LIMCH1: variants seen among roughly 807,000 people sequenced by gnomAD.
The protein encoded by LIMCH1 is LIM and calponin homology domains 1.
In LIMCH1, 113 loss-of-function variants were observed where a neutral mutation model predicts 176.5. The observed-to-expected ratio is 0.64, with a 90% confidence interval of 0.55 to 0.75. The LOEUF is 0.75. Among genes scored for constraint, LIMCH1 ranks in the 30% least tolerant of loss-of-function variants. The probability of loss-of-function intolerance (pLI) is 0.00; values close to 1 mark genes in which losing one functional copy is unlikely to be tolerated. For synonymous variants in LIMCH1, 619 were observed against 645.9 expected, an observed-to-expected ratio of 0.96 and a Z score of 0.63; for missense variants, 1,674 against 1,814.9, an observed-to-expected ratio of 0.92 and a Z score of 1.41.
intron 1 of LIMCH1, chr4:41,551,117 C>T (rs1293604832): frequency 6.6e-6 from 1 of 152,088 alleles, no homozygotes; most frequent in Admixed American, 6.5e-5. Flanking sequence ...TTTCTTCCTC[C>T]ATGATAGGAA....
intron 1 of LIMCH1, among the ~76,000 whole-genome samples, chr4:41,598,424 A>T (rs1394037639): frequency 1.3e-5 from 2 of 152,098 alleles, no homozygotes; most frequent in Non-Finnish European, 1.5e-5. Flanking sequence ...ATCCACAAAG[A>T]GGTATTACTA....
chr4:41,407,382 C>A (rs1341698885), intron 1 of LIMCH1, among the ~76,000 whole-genome samples: 1 of 152,162 alleles, frequency 6.6e-6, no homozygotes, highest in East Asian at 1.9e-4. Flanking sequence ...GCATTTGCCA[C>A]CATGCCTGGT....
At position 41,482,353 on chromosome 4, in the gene LIMCH1, A is replaced by T. The variant is rs75665846; in HGVS notation, c.97-12183A>T. 9.3e-3 allele frequency among the ~76,000 whole-genome samples: 1,412 copies of T among 152,288 alleles called. 20 individuals are homozygous for T. Among genetic ancestry groups the T allele is most frequent in the African/African-American group, 0.032 (1,332 of 41,544 alleles). ...GGGTGGTACAGAGAGAAGAAAAGAG[A>T]TGCGAAGAGAGGAGAAAAACGCCTG... On this transcript the variant is annotated intron_variant, in intron 1 of 26. Transcript: ENST00000313860.
chr4:41,590,057 T>A (rs2087222916), intron 1 of LIMCH1, among the ~76,000 whole-genome samples: 2 of 152,170 alleles, frequency 1.3e-5, no homozygotes, highest in Admixed American at 6.5e-5. Context: ...CCCCTCTGGT[T>A]TAGCTCTCCC....
At chr4:41,594,626 G>A (rs937936198) in intron 1 of LIMCH1, among the ~76,000 whole-genome samples, 3 of 152,140 alleles carry the variant, frequency 2.0e-5, no homozygotes, top group Non-Finnish European at 2.9e-5. Flanking sequence ...TCTGCCTAGG[G>A]CCTGGCTCCC....
intron 30 of LIMCH1, among the ~76,000 whole-genome samples, chr4:41,691,516 G>A (rs1239723459): frequency 6.6e-6 from 1 of 151,502 alleles, no homozygotes; most frequent in South Asian, 2.1e-4. Flanking sequence ...GGAGGCCAAG[G>A]TGGGCAGATA....
rs1033330741 is a variant in LIMCH1, at chr4:41,698,278, A to T, written c.*1093A>T. 2.0e-5 allele frequency: 3 copies of T among 152,276 alleles called. No individual in the cohort carries two copies. Among genetic ancestry groups the T allele is most frequent in the Admixed American group, 6.5e-5 (1 of 15,284 alleles). The allele number at this position is 152,276 out of a possible 1,614,324, so 9.4% of individuals were successfully genotyped here. On this transcript the variant is annotated 3_prime_UTR_variant, in exon 32 of 32. Coordinates refer to ENST00000503057, the MANE Select transcript of LIMCH1 (RefSeq NM_001330672.2). ...TCTGTGATCAGCAAGAACCTACAGC[A>T]CAGATTATGCCCTGCCCACTTCAAT...
In LIMCH1 at chr4:41,626,729, G is replaced by C. The variant is rs1369738790; in HGVS notation, c.747G>C (p.Glu249Asp). The stretch of plus-strand genomic sequence containing the variant: ...TCAGTCAAAAACAATTAAGTGAAGA[G>C]AAAGAAGCTATTCGTGATATTGTCC... The part of the protein sequence containing the change: ...RFASQKQLSE[E>D]KEAIRDIVLR... Residue 249 changes from glutamate to aspartate, a missense_variant, in exon 8 of 32, where the codon GAG (glutamate) becomes GAC (aspartate). By Grantham distance (45) the Glu-to-Asp change is conservative. Around this residue, in one of 3 missense-constraint regions of LIMCH1, gnomAD observed 655 missense variants for 692.2 expected, o/e 0.95. Transcript: ENST00000503057. 2.0e-6 allele frequency: 3 copies of C among 1,536,118 alleles called. No homozygotes were observed. Among genetic ancestry groups the C allele is most frequent in the Non-Finnish European group, 2.6e-6 (3 of 1,146,802 alleles).
chr4:41,610,902 T>C (rs1424001026), intron 4 of LIMCH1, among the ~76,000 whole-genome samples: 1 of 152,174 alleles, frequency 6.6e-6, no homozygotes, highest in African/African-American at 2.4e-5. Flanking sequence ...AAGTTGAATA[T>C]CCCTAATCTG....
At chr4:41,596,853 A>G (rs144038834) in intron 1 of LIMCH1, among the ~76,000 whole-genome samples, 8 of 152,318 alleles carry the variant, frequency 5.3e-5, no homozygotes, top group East Asian at 3.9e-4. Flanking sequence ...CTTGTGAACA[A>G]TGGCATCTCT....
At chr4:41,493,879 C>T (rs1454553533) in intron 1 of LIMCH1, among the ~76,000 whole-genome samples, 2 of 152,122 alleles carry the variant, frequency 1.3e-5, no homozygotes, top group African/African-American at 2.4e-5. Context: ...TCTTTTATGC[C>T]ATATTATTAA....
At chr4:41,405,775 G>A (rs1277536507) in intron 1 of LIMCH1, among the ~76,000 whole-genome samples, 2 of 151,832 alleles carry the variant, frequency 1.3e-5, no homozygotes, top group African/African-American at 2.4e-5. Context: ...CATGTATTAT[G>A]TATCAATGAA....
At chr4:41,619,938 A>G (rs562808981) in intron 6 of LIMCH1, 2 of 183,016 alleles carry the variant, frequency 1.1e-5, no homozygotes, top group East Asian at 2.7e-4. Flanking sequence ...TTAGAGAAAC[A>G]GTGTTTTAAT....
chr4:41,585,516 T>C (rs2086285243), intron 1 of LIMCH1, among the ~76,000 whole-genome samples: 1 of 152,218 alleles, frequency 6.6e-6, no homozygotes, highest in Admixed American at 6.5e-5. Flanking sequence ...AAGTGTCTAT[T>C]TGAGTTTCTG....
chr4:41,456,137 AT>A (rs2064568875), intron 1 of LIMCH1, among the ~76,000 whole-genome samples: 1 of 152,088 alleles, frequency 6.6e-6, no homozygotes, highest in African/African-American at 2.4e-5. Context: ...CAGTGAGACG[AT>A]TTGGCCTACT....
intron 1 of LIMCH1, among the ~76,000 whole-genome samples, chr4:41,479,416 C>T (rs4861114): frequency 0.4 from 60,037 of 151,984 alleles, 14,730 homozygotes; most frequent in African/African-American, 0.69. Flanking sequence ...CACACCCGGC[C>T]AAATTTTTTT....
intron 1 of LIMCH1, among the ~76,000 whole-genome samples, chr4:41,483,627 T>C (rs1190009383): frequency 6.6e-6 from 1 of 152,208 alleles, no homozygotes; most frequent in Non-Finnish European, 1.5e-5. Context: ...CCTCATCACC[T>C]ACCACCCTTC....
intron 2 of LIMCH1, among the ~76,000 whole-genome samples, chr4:41,506,705 T>C (rs189647155): frequency 1.1e-4 from 17 of 152,302 alleles, no homozygotes; most frequent in Non-Finnish European, 2.1e-4. Flanking sequence ...TAAGAATAGG[T>C]TGAGGGAAAG....
At chr4:41,405,562 A>C (rs2058874723) in intron 1 of LIMCH1, among the ~76,000 whole-genome samples, 2 of 152,108 alleles carry the variant, frequency 1.3e-5, no homozygotes, top group African/African-American at 4.8e-5. Flanking sequence ...AGTCTTTCTT[A>C]GAACTGGGTG....
Sources: allele counts gnomAD v4.1 joint callset (sites outside exome capture counted in the v4.1 genomes callset), GRCh38; gene constraint gnomAD v4.1.1; regional missense constraint gnomAD v4.1.1; transcripts MANE v1.5; gene names NCBI Gene and HGNC (gene_info 2026-07-23, HGNC 2026-07-21).